The following MED12L variants were observed in gnomAD, a reference collection of about 807,000 sequenced individuals.
The protein encoded by MED12L is mediator complex subunit 12L, also known as mediator of RNA polymerase II transcription subunit 12-like protein.
A neutral mutation model predicts 281.3 loss-of-function variants in MED12L; 60 were observed. The ratio of observed to expected loss-of-function variants is 0.21; its 90% CI spans 0.17 to 0.26. The LOEUF is 0.26. Ranked by LOEUF, MED12L falls within the 10% of genes least tolerant of loss-of-function variation. The pLI, the probability that MED12L is intolerant of heterozygous loss-of-function variation, is 1.00. For missense variants in MED12L, 2,146 were observed against 2,680.9 expected (o/e 0.80, Z 4.41); for synonymous variants, 974 against 987.2 (o/e 0.99, Z 0.25).
intron 16 of MED12L, among the ~76,000 whole-genome samples, chr3:151,313,764 A>G (rs1158719391): frequency 1.3e-5 from 2 of 152,098 alleles, no homozygotes; most frequent in Non-Finnish European, 2.9e-5. Context: ...GAATTGCTTG[A>G]ACCCAGGAGG....
At chr3:151,247,873 C>CT (rs1735983208) in intron 16 of MED12L, among the ~76,000 whole-genome samples, 1 of 151,124 alleles carries the variant, frequency 6.6e-6, no homozygotes, top group Non-Finnish European at 1.5e-5. Context: ...TCTGCCTTCC[C>CT]TTAGTTGCAG....
At chr3:151,423,349 T>C (rs772021646) in intron 43 of MED12L, among the ~76,000 whole-genome samples, 8 of 152,180 alleles carry the variant, frequency 5.3e-5, no homozygotes, top group Admixed American at 1.3e-4. Context: ...TAAAAACTTA[T>C]AAAAAGTTAA....
At chr3:151,219,896 C>G (rs978018899) in intron 16 of MED12L, among the ~76,000 whole-genome samples, 2 of 135,102 alleles carry the variant, frequency 1.5e-5, no homozygotes, top group Non-Finnish European at 3.2e-5. Flanking sequence ...ATATTACCCC[C>G]CCCCCCCCCT....
intron 16 of MED12L, among the ~76,000 whole-genome samples, chr3:151,205,689 T>TCA (rs780365930): frequency 6.6e-6 from 1 of 152,066 alleles, no homozygotes; most frequent in African/African-American, 2.4e-5. Flanking sequence ...GGGGAAACTG[T>TCA]GGTGCAGAGA....
rs1287798221 is a variant in MED12L at position 151,368,142 on chromosome 3, T to G, written c.3449-8T>G. On this transcript the variant is annotated splice_region_variant and splice_polypyrimidine_tract_variant and intron_variant, in intron 24 of 44. Transcript: ENST00000687756. ...AGAAAACTTGCTTTTCCAATCCCCC[T>G]TTCCTAGCTTGTGGGGATGCGGACG... 22 of 1,612,512 alleles carry G rather than the reference T, an allele frequency of 1.4e-5. No homozygotes were observed. Among genetic ancestry groups the G allele is most frequent in the Non-Finnish European group, 1.8e-5 (21 of 1,178,650 alleles).
At position 151,364,894 on chromosome 3, in the gene MED12L, C is replaced by T; in HGVS notation, c.2958-85C>T. The T allele has an allele frequency of 3.2e-6, 3 of 933,304 alleles. No individual in the cohort carries two copies. In the East Asian group the frequency reaches 7.3e-5, roughly 23 times the overall value. The allele number at this position is 933,304 out of a possible 1,614,324, so 57.8% of individuals were successfully genotyped here. On this transcript the variant is annotated intron_variant, in intron 21 of 44. Coordinates refer to ENST00000687756, the MANE Select transcript of MED12L (RefSeq NM_001393769.1). ...CTCTAGGAATGCATTACAGTTCCTG[C>T]CATTTAATATGTCCTTAAGTGAAAT... is the stretch of plus-strand genomic sequence containing the variant.
chr3:151,326,400 G>T (rs1232064766), intron 16 of MED12L: 1 of 152,478 alleles, frequency 6.6e-6, no homozygotes, highest in Non-Finnish European at 1.5e-5. Context: ...TAGATACAAA[G>T]GTCAGGAAGT....
chr3:151,409,886 G>A (rs73159921), intron 40 of MED12L, among the ~76,000 whole-genome samples: 17,349 of 152,180 alleles, frequency 0.11, 1,347 homozygotes, highest in Middle Eastern at 0.19. Context: ...GATCGCTTGA[G>A]CTTGAGAGGT....
intron 2 of MED12L, among the ~76,000 whole-genome samples, chr3:151,093,868 G>A (rs1332536482): frequency 6.6e-6 from 1 of 152,222 alleles, no homozygotes; most frequent in Non-Finnish European, 1.5e-5. Context: ...CCGTAAGGCT[G>A]TCAGTTAGGG....
chr3:151,238,643 G>T (rs919256065), intron 16 of MED12L, among the ~76,000 whole-genome samples: 2 of 152,106 alleles, frequency 1.3e-5, no homozygotes, highest in African/African-American at 4.8e-5. Flanking sequence ...TCAAGGCAGT[G>T]CACTCAACTG....
At chr3:151,387,701 A>C in intron 36 of MED12L, 109 bp from the exon 37 acceptor site, 2 of 1,345,972 alleles carry the variant, frequency 1.5e-6, no homozygotes, top group Non-Finnish European at 2.0e-6. Context: ...CGGGTTCTCT[A>C]GGGCTCATGC....
chr3:151,378,174 G>T lies in MED12L; in HGVS notation c.4478+1G>T. 6.3e-7 allele frequency: 1 copy of T among 1,599,738 alleles called. No homozygotes were observed. The highest frequency in any genetic ancestry group is 8.5e-7 in the Non-Finnish European group (1 of 1,171,768). ...AAAGGGACAGACAGAAACAGAAAAG[G>T]TGTGGCTGGAAGATGGGCGTCTGTG... is the stretch of plus-strand genomic sequence containing the variant. On this transcript the variant is annotated splice_donor_variant, in intron 31 of 44. Transcript: ENST00000687756. LOFTEE classifies it high-confidence loss of function.
intron 16 of MED12L, among the ~76,000 whole-genome samples, chr3:151,230,842 T>C (rs1484300039): frequency 6.6e-6 from 1 of 152,214 alleles, no homozygotes; most frequent in Non-Finnish European, 1.5e-5. Context: ...GACTTCCCAC[T>C]GTCAGTGAGC....
At chr3:151,224,277 G>T (rs1310017561) in intron 16 of MED12L, among the ~76,000 whole-genome samples, 3 of 151,886 alleles carry the variant, frequency 2.0e-5, no homozygotes, top group Non-Finnish European at 4.4e-5. Context: ...GACATCAAAA[G>T]CTTTAATACA....
At chr3:151,184,155 T>A (rs977206958) in intron 11 of MED12L, among the ~76,000 whole-genome samples, 5 of 152,224 alleles carry the variant, frequency 3.3e-5, no homozygotes, top group African/African-American at 1.2e-4. Flanking sequence ...TGAGTAACCA[T>A]GTGTTTAAAT....
At chr3:151,301,244 CA>C (rs1425437750) in intron 16 of MED12L, among the ~76,000 whole-genome samples, 1 of 152,126 alleles carries the variant, frequency 6.6e-6, no homozygotes, top group Non-Finnish European at 1.5e-5. Flanking sequence ...ATGACTGACG[CA>C]GTTAATTTTC....
At chr3:151,373,771 T>C (rs2108034117) in intron 27 of MED12L, among the ~76,000 whole-genome samples, 1 of 152,294 alleles carries the variant, frequency 6.6e-6, no homozygotes, top group South Asian at 2.1e-4. Context: ...TAAAAATAGT[T>C]GGTATTTTCA....
intron 5 of MED12L, among the ~76,000 whole-genome samples, chr3:151,137,172 GAAAAA>G (rs776196596): frequency 2.1e-4 from 26 of 125,708 alleles, no homozygotes; most frequent in African/African-American, 7.4e-4. Flanking sequence ...AAAAAAAAAA[GAAAAA>G]AAAAAAAAAG....
At chr3:151,430,133 C>G (rs930499029) in intron 43 of MED12L, among the ~76,000 whole-genome samples, 166 bp from the exon 44 acceptor site, 2 of 152,150 alleles carry the variant, frequency 1.3e-5, no homozygotes, top group Non-Finnish European at 2.9e-5. Context: ...TCACCAGATG[C>G]ACAACAAGGT....
Sources: gnomAD v4.1 joint callset for allele counts (sites outside exome capture counted in the v4.1 genomes callset) on GRCh38, gnomAD v4.1.1 for gene constraint, MANE v1.5 for transcripts, NCBI Gene and HGNC (gene_info 2026-07-23, HGNC 2026-07-21) for gene names.